FRAS1: variants seen among roughly 807,000 people sequenced by gnomAD.
FRAS1 encodes Fraser extracellular matrix complex subunit 1.
A neutral mutation model predicts 435.2 loss-of-function variants in FRAS1; 290 were observed. The observed-to-expected ratio is 0.67, with a 90% CI of 0.61 to 0.73. The LOEUF is 0.73. Among genes scored for constraint, FRAS1 ranks in the 30% least tolerant of loss-of-function variants. The pLI is 0.00. For missense variants in FRAS1, 4,860 were observed against 5,001.5 expected, an observed-to-expected ratio of 0.97 and a Z score of 0.85; for synonymous variants, 1,800 against 1,851.0, an observed-to-expected ratio of 0.97 and a Z score of 0.71.
At position 78,451,904 on chromosome 4, in the gene FRAS1, T is replaced by C. The variant is rs1719033444; in HGVS notation, c.6583+13T>C. 1 of 1,602,850 alleles carries C rather than the reference T, an allele frequency of 6.2e-7. No individual in the cohort carries two copies. Among genetic ancestry groups the C allele is most frequent in the African/African-American group, 1.3e-5 (1 of 74,576 alleles). ...ATCAGCATTCTAGGTAAAGAGACAT[T>C]TGATTTTCTAATATAAAACTATTTT... On this transcript the variant is annotated intron_variant, in intron 46 of 73. Transcript: ENST00000512123.
intron 1 of FRAS1, 64 bp from the exon 2 acceptor site, chr4:78,065,921 C>A: frequency 8.1e-7 from 1 of 1,235,452 alleles, no homozygotes; most frequent in Non-Finnish European, 1.2e-6. Flanking sequence ...AGCAAGCTTG[C>A]TGGGGCAGTG....
chr4:78,472,241 A>G lies in FRAS1; in HGVS notation c.7433A>G (p.Gln2478Arg). 2 of 1,613,954 alleles carry G rather than the reference A, an allele frequency of 1.2e-6. No homozygotes were observed. The highest frequency in any genetic ancestry group is 8.5e-7 in the Non-Finnish European group (1 of 1,179,832). ...ATGGACCCAGACACCGAGGACGCGC[A>G]GCTTGTCTATGAGATAACGACGGGC... is the stretch of plus-strand genomic sequence containing the variant. ...LTMDPDTEDAQLVYEITTGPK... is the reference protein window; with the variant it reads ...LTMDPDTEDARLVYEITTGPK... Residue 2478 changes from glutamine to arginine, a missense_variant, in exon 52 of 74, where the codon CAG becomes CGG. By Grantham distance (43) the Gln-to-Arg change is conservative. Transcript: ENST00000512123.
chr4:78,089,181 A>C lies in FRAS1; in HGVS notation c.108+23165A>C, dbSNP rs973646627. Among the ~76,000 whole-genome samples the C allele has an allele frequency of 1.8e-4, 28 of 151,692 alleles. 1 individual carries two copies. The highest frequency in any genetic ancestry group is 1.3e-4 in the Admixed American group (2 of 15,204). ...ATTCTCAGCAAACTATCGCAAGGACAAAAAACCAAATACCGCATGTTCTCA... is the reference window on the plus strand; with the variant it reads ...ATTCTCAGCAAACTATCGCAAGGACCAAAAACCAAATACCGCATGTTCTCA... On this transcript the variant is annotated intron_variant, in intron 2 of 73. Transcript: ENST00000512123.
Position 78,156,100 on chromosome 4 carries a change from CACTT to C in FRAS1, c.109-81408_109-81405del, listed in dbSNP as rs1720870642. 2.6e-5 allele frequency among the ~76,000 whole-genome samples: 4 copies of C among 152,280 alleles called. No homozygotes were observed. The South Asian group carries it at 8.3e-4, about 32-fold the overall frequency. On this transcript the variant is annotated intron_variant, in intron 2 of 73. Coordinates refer to ENST00000512123, the MANE Select transcript of FRAS1 (RefSeq NM_025074.7). Reference sequence around the variant, plus strand: ...CTTTGGCTGTTTCTGGGCTCTTAGACACTTAGTCTCACAGCTTGATCCCAAATAA... The same window carrying C: ...CTTTGGCTGTTTCTGGGCTCTTAGACAGTCTCACAGCTTGATCCCAAATAA...
At chr4:78,123,705 T>A (rs2109968400) in intron 2 of FRAS1, among the ~76,000 whole-genome samples, 1 of 152,312 alleles carries the variant, frequency 6.6e-6, no homozygotes, top group Middle Eastern at 3.4e-3. Flanking sequence ...CCCTTTTAAG[T>A]TGGATTCCTA....
intron 27 of FRAS1, 119 bp downstream of exon 27, chr4:78,380,115 A>G (rs1731956474): frequency 2.7e-6 from 3 of 1,116,990 alleles, no homozygotes; most frequent in African/African-American, 1.6e-5. Context: ...GGGAAGATCA[A>G]TACTCCACAA....
chr4:78,478,126 T>C, intron 55 of FRAS1, 65 bp downstream of exon 55: 2 of 1,481,176 alleles, frequency 1.4e-6, no homozygotes, highest in Non-Finnish European at 1.8e-6. Context: ...GTTCCTATTA[T>C]GTGCTAAGCA....
intron 2 of FRAS1, among the ~76,000 whole-genome samples, chr4:78,192,461 G>A (rs1722585875): frequency 6.6e-6 from 1 of 152,154 alleles, no homozygotes; most frequent in South Asian, 2.1e-4. Flanking sequence ...CCTGTTATTG[G>A]TCTATTCAGA....
intron 48 of FRAS1, 23 bp from the exon 49 acceptor site, chr4:78,464,420 C>G: frequency 6.2e-7 from 1 of 1,613,866 alleles, no homozygotes; most frequent in Non-Finnish European, 8.5e-7. Flanking sequence ...AGGTGTCCCA[C>G]CTGCACTTTC....
intron 3 of FRAS1, among the ~76,000 whole-genome samples, chr4:78,240,891 A>G (rs922362368): frequency 6.6e-6 from 1 of 152,166 alleles, no homozygotes; most frequent in Admixed American, 6.5e-5. Context: ...GAGTAATATT[A>G]TAGTCACCAA....
At chr4:78,407,320 A>G (rs139691417) in intron 30 of FRAS1, among the ~76,000 whole-genome samples, 2 of 152,332 alleles carry the variant, frequency 1.3e-5, no homozygotes, top group East Asian at 3.9e-4. Context: ...ATAGAAATGA[A>G]TCCATTCAAT....
Position 78,502,447 on chromosome 4 carries a change from T to C in FRAS1, c.9316+2526T>C, listed in dbSNP as rs996755227. ...AGAGGTCCTTCATGTCCCTTGTAAGTTGGATTCCTAGGTATTTTATTCTCT... is the reference window on the plus strand; with the variant it reads ...AGAGGTCCTTCATGTCCCTTGTAAGCTGGATTCCTAGGTATTTTATTCTCT... On this transcript the variant is annotated intron_variant, in intron 61 of 73. Transcript: ENST00000512123. Among the ~76,000 whole-genome samples the C allele has an allele frequency of 2.0e-5, 3 of 152,222 alleles. No homozygotes were observed. The East Asian group carries it at 5.8e-4, about 29-fold the overall frequency.
chr4:78,172,303 AG>A (rs1185424421), intron 2 of FRAS1, among the ~76,000 whole-genome samples: 6 of 152,194 alleles, frequency 3.9e-5, no homozygotes, highest in Admixed American at 1.3e-4. Flanking sequence ...ATCTAGGAAA[AG>A]TTGTTCTATT....
At chr4:78,347,113 T>G (rs546799910) in intron 20 of FRAS1, among the ~76,000 whole-genome samples, 47 of 152,318 alleles carry the variant, frequency 3.1e-4, no homozygotes, top group African/African-American at 1.1e-3. Flanking sequence ...CCCTCCCACC[T>G]CCACAGGTGC....
intron 29 of FRAS1, among the ~76,000 whole-genome samples, chr4:78,393,501 CAGATTCCACA>C: frequency 6.6e-6 from 1 of 152,064 alleles, no homozygotes; most frequent in Non-Finnish European, 1.5e-5. Context: ...TTGGCTATTT[CAGATTCCACA>C]TATAAGCAAG....
intron 30 of FRAS1, among the ~76,000 whole-genome samples, chr4:78,404,323 TTC>T (rs1331437688): frequency 1.3e-5 from 2 of 152,120 alleles, no homozygotes; most frequent in Non-Finnish European, 2.9e-5. Flanking sequence ...AGAGATCATT[TTC>T]TGTTTTTTAA....
chr4:78,314,376 A>T (rs1050194555), intron 15 of FRAS1, among the ~76,000 whole-genome samples: 2 of 152,046 alleles, frequency 1.3e-5, no homozygotes, highest in African/African-American at 2.4e-5. Flanking sequence ...GGCCCCTGGA[A>T]GCCATGTGAG....
intron 2 of FRAS1, among the ~76,000 whole-genome samples, chr4:78,227,980 A>G (rs551898559): frequency 2.0e-5 from 3 of 152,306 alleles, no homozygotes; most frequent in East Asian, 3.9e-4. Context: ...TTTAGTCACT[A>G]CAAGAATACA....
At chr4:78,144,546 AT>A (rs1252980167) in intron 2 of FRAS1, among the ~76,000 whole-genome samples, 1 of 151,938 alleles carries the variant, frequency 6.6e-6, no homozygotes, top group African/African-American at 2.4e-5. Context: ...ATTTGTTTAC[AT>A]TTTTTATTGT....
Sources: gnomAD v4.1 joint callset for allele counts (sites outside exome capture counted in the v4.1 genomes callset) on GRCh38, gnomAD v4.1.1 for gene constraint, MANE v1.5 for transcripts, NCBI Gene and HGNC (gene_info 2026-07-23, HGNC 2026-07-21) for gene names.